Variants in PHF3 observed in about 807,000 individuals in gnomAD.
The protein encoded by PHF3 is PHD finger protein 3.
Under a neutral mutation model 178.4 loss-of-function variants are expected in PHF3, and 41 were observed. The observed-to-expected ratio is 0.23, with a 90% CI of 0.18 to 0.30. The LOEUF (loss-of-function observed/expected upper bound fraction) is 0.30, where lower values mean the gene tolerates loss of function less well. PHF3 is among the 10% of genes least tolerant of loss of function. The pLI is 1.00. For synonymous variants in PHF3, 842 were observed against 800.5 expected, an observed-to-expected ratio of 1.05 and a Z score of -0.88; for missense variants, 2,346 against 2,398.1, an observed-to-expected ratio of 0.98 and a Z score of 0.45.
Position 63,712,167 on chromosome 6 carries a change from G to A in PHF3, c.4579G>A (p.Val1527Ile). The A allele has an allele frequency of 1.2e-6, 2 of 1,613,636 alleles. No individual in the cohort carries two copies. The highest frequency in any genetic ancestry group is 1.7e-4 in the Middle Eastern group (1 of 6,056). The change falls in exon 16 of 16, where the codon GTA becomes ATA. Residue 1527 changes from valine to isoleucine, a missense_variant. Transcript: ENST00000262043. The part of the protein sequence containing the change: ...DGENKEIKVK[V>I]DNISESTDKS... ...TGAAAACAAGGAGATAAAAGTTAAA[G>A]TAGATAATATTTCAGAATCTACAGA...
In PHF3 at chr6:63,718,936, C is replaced by T. The variant is rs1424728215; in HGVS notation, c.*5228C>T. On this transcript the variant is annotated 3_prime_UTR_variant, in exon 16 of 16. Coordinates refer to ENST00000262043, the MANE Select transcript of PHF3 (RefSeq NM_001370348.2). ...ATTTATCCTTATGATCTGAGTATCT[C>T]CAAAGTTAAATGCAATAGTATGGAG... Among the ~76,000 whole-genome samples the T allele has an allele frequency of 6.6e-6, 1 of 151,912 alleles. No homozygotes were observed. Among genetic ancestry groups the T allele is most frequent in the Non-Finnish European group, 1.5e-5 (1 of 67,924 alleles).
intron 4 of PHF3, among the ~76,000 whole-genome samples, 185 bp from the exon 5 acceptor site, chr6:63,691,552 T>C (rs569987187): frequency 2.0e-5 from 3 of 152,310 alleles, no homozygotes; most frequent in African/African-American, 7.2e-5. Flanking sequence ...CTTAAAGGTA[T>C]CATTTTAATA....
intron 5 of PHF3, among the ~76,000 whole-genome samples, chr6:63,692,329 T>C (rs2149592136): frequency 6.9e-6 from 1 of 144,964 alleles, no homozygotes; most frequent in African/African-American, 2.6e-5. Context: ...GTGTGGATCT[T>C]GTGGCCATTA....
rs766480269 is a variant in PHF3 at position 63,712,574 on chromosome 6, A to C, written c.4986A>C (p.Val1662=). 6.2e-7 allele frequency: 1 copy of C among 1,613,936 alleles called. No individual in the cohort carries two copies. The change falls in exon 16 of 16, where the codon GTA becomes GTC. Residue 1662 remains valine, a synonymous_variant. Coordinates refer to ENST00000262043, the MANE Select transcript of PHF3 (RefSeq NM_001370348.2). ...AAGCAGCAGGACGAAGTCAGCCTGT[A>C]ACTACTTCAGAAAGCAAAGATGGAG... ...PRQAAGRSQP[V]TTSESKDGDS...
intron 10 of PHF3, 37 bp downstream of exon 10, chr6:63,702,676 A>C: frequency 6.4e-7 from 1 of 1,555,478 alleles, no homozygotes; most frequent in Non-Finnish European, 8.7e-7. Context: ...AGCTCAAAAC[A>C]TGAAGATTCA....
In PHF3 at chr6:63,722,624, T is replaced by G. The variant is rs1035724367; in HGVS notation, c.*8916T>G. 2.0e-5 allele frequency among the ~76,000 whole-genome samples: 3 copies of G among 152,220 alleles called. No individual in the cohort carries two copies. The highest frequency in any genetic ancestry group is 7.2e-5 in the African/African-American group (3 of 41,462). On this transcript the variant is annotated 3_prime_UTR_variant, in exon 16 of 16. Transcript: ENST00000262043. ...GGATAGCAAAATGACTTATTAATAATGAACCACGCAGAAGTCTCCACGAAA... is the reference window on the plus strand; with the variant it reads ...GGATAGCAAAATGACTTATTAATAAGGAACCACGCAGAAGTCTCCACGAAA...
chr6:63,638,799 C>T lies in PHF3; in HGVS notation c.-26+2649C>T, dbSNP rs538872738. On this transcript the variant is annotated intron_variant, in intron 1 of 15. Transcript: ENST00000262043. ...TTCAGAAGGATAGACACTTTTTCAA[C>T]TATAAAAATTGCTTGGCAAACTGTT... Among the ~76,000 whole-genome samples, 17 of 152,218 alleles carry T rather than the reference C, an allele frequency of 1.1e-4. No individual in the cohort carries two copies. In the South Asian group the frequency reaches 3.5e-3, roughly 32 times the overall value.
intron 4 of PHF3, among the ~76,000 whole-genome samples, chr6:63,690,848 A>T (rs1006111948): frequency 1.3e-5 from 2 of 152,160 alleles, no homozygotes; most frequent in African/African-American, 4.8e-5. Flanking sequence ...GTAGTTATAG[A>T]TACTCCTTTT....
chr6:63,721,420 C>T lies in PHF3; in HGVS notation c.*7712C>T, dbSNP rs948892214. 6.4e-7 allele frequency: 1 copy of T among 1,551,724 alleles called. No individual in the cohort carries two copies. The highest frequency in any genetic ancestry group is 8.7e-7 in the Non-Finnish European group (1 of 1,146,952). ...CAGGCTGTCCCATCACAGTCACCTA[C>T]ATTTGAGCCACCTTTTGCTCCAAAT... On this transcript the variant is annotated 3_prime_UTR_variant, in exon 16 of 16. Coordinates refer to ENST00000262043, the MANE Select transcript of PHF3 (RefSeq NM_001370348.2).
chr6:63,719,269 C>G lies in PHF3; in HGVS notation c.*5561C>G, dbSNP rs1768281758. On this transcript the variant is annotated 3_prime_UTR_variant, in exon 16 of 16. Transcript: ENST00000262043. ...TAGTTTTTGAATGATAAATTACTAC[C>G]TCGTTACTTTGTATAGACTGGAATC... is the stretch of plus-strand genomic sequence containing the variant. Among the ~76,000 whole-genome samples the G allele has an allele frequency of 1.3e-5, 2 of 152,162 alleles. No homozygotes were observed. Among genetic ancestry groups the G allele is most frequent in the Admixed American group, 6.6e-5 (1 of 15,248 alleles).
intron 4 of PHF3, 58 bp downstream of exon 4, chr6:63,685,969 G>A (rs774611115): frequency 2.5e-6 from 3 of 1,219,904 alleles, no homozygotes; most frequent in Admixed American, 2.1e-5. Flanking sequence ...GCTTTTTTGG[G>A]GGTGGGATTA....
chr6:63,680,785 A>G (rs1184325424), intron 3 of PHF3, among the ~76,000 whole-genome samples: 2 of 152,028 alleles, frequency 1.3e-5, no homozygotes, highest in East Asian at 3.9e-4. Context: ...TGTCATATCC[A>G]TTTTATTGAA....
chr6:63,645,798 C>A (rs1423857479), intron 1 of PHF3, among the ~76,000 whole-genome samples: 1 of 152,054 alleles, frequency 6.6e-6, no homozygotes, highest in East Asian at 1.9e-4. Flanking sequence ...CTTGTATAGA[C>A]CACACATAAC....
Position 63,706,770 on chromosome 6 carries a change from TG to T in PHF3, c.3607del (p.Ala1203LeufsTer3). On this transcript the variant is annotated frameshift_variant, in exon 13 of 16. Transcript: ENST00000262043. LOFTEE classifies it high-confidence loss of function. Reference protein sequence around the residue: ...PGTVEVESTFLARLNFIWKGF... With the variant: ...PGTVEVESTFXARLNFIWKGF... The stretch of plus-strand genomic sequence containing the variant: ...ACTGTTGAAGTTGAGTCTACCTTTC[TG>T]GCTCGATTGAACTTCATCTGGAAAG... The T allele has an allele frequency of 6.2e-7, 1 of 1,614,042 alleles. No individual in the cohort carries two copies. The highest frequency in any genetic ancestry group is 8.5e-7 in the Non-Finnish European group (1 of 1,179,904).
rs1204661341 is a variant in PHF3 at position 63,703,536 on chromosome 6, G to A, written c.3232G>A (p.Glu1078Lys). Residue 1078 changes from glutamate to lysine, a missense_variant and splice_region_variant, in exon 11 of 16, where the codon GAA becomes AAA. Around this residue, in one of 8 missense-constraint regions of PHF3, gnomAD observed 205 missense variants for 212.4 expected, o/e 0.97. Transcript: ENST00000262043. ...TAATTTTTACTTTGACTTACGTTAG[G>A]AACCAGCCGCCAATAAGTCATTGGA... ...KEQEAAMEIQ[E>K]PAANKSLEKP... 4 of 1,603,608 alleles carry A rather than the reference G, an allele frequency of 2.5e-6. No individual in the cohort carries two copies. Among genetic ancestry groups the A allele is most frequent in the Non-Finnish European group, 2.5e-6 (3 of 1,177,500 alleles).
At position 63,684,436 on chromosome 6, in the gene PHF3, T is replaced by G; in HGVS notation, c.714T>G (p.His238Gln). The change falls in exon 4 of 16, where the codon CAT (histidine) becomes CAG (glutamine). Residue 238 changes from histidine (H) to glutamine (Q), a missense_variant. Physicochemically the swap from His to Gln is conservative, Grantham distance 24. Coordinates refer to ENST00000262043, the MANE Select transcript of PHF3 (RefSeq NM_001370348.2). ...ATGAAGATGGATTAGATTCTAAGCA[T>G]AAGTGTAATAATCCGGGAGAAATAG... ...MKDEDGLDSK[H>Q]KCNNPGEIDV... is the part of the protein sequence containing the mutation. The G allele has an allele frequency of 1.2e-6, 2 of 1,614,044 alleles. No homozygotes were observed. The highest frequency in any genetic ancestry group is 1.7e-6 in the Non-Finnish European group (2 of 1,179,892).
At chr6:63,664,471 G>A (rs947585232) in intron 2 of PHF3, among the ~76,000 whole-genome samples, 11 of 152,078 alleles carry the variant, frequency 7.2e-5, no homozygotes, top group Admixed American at 5.2e-4. Flanking sequence ...TTTTGATTGT[G>A]TAAGTTTATA....
chr6:63,693,285 A>G (rs960579615), intron 5 of PHF3, among the ~76,000 whole-genome samples: 1 of 152,154 alleles, frequency 6.6e-6, no homozygotes, highest in Non-Finnish European at 1.5e-5. Context: ...AGCTCATTGT[A>G]TTGACCATAG....
intron 15 of PHF3, 21 bp from the exon 16 acceptor site, chr6:63,711,565 G>A: frequency 6.5e-7 from 1 of 1,532,800 alleles, no homozygotes; most frequent in Non-Finnish European, 8.8e-7. Flanking sequence ...TGAATTAATT[G>A]ATGTTTTTGG....
Sources: gnomAD v4.1 joint callset for allele counts (sites outside exome capture counted in the v4.1 genomes callset) on GRCh38, gnomAD v4.1.1 for gene constraint, gnomAD v4.1.1 regional missense constraint, MANE v1.5 for transcripts, NCBI Gene and HGNC (gene_info 2026-07-23, HGNC 2026-07-21) for gene names.